DCLK1: variants seen among roughly 807,000 people sequenced by gnomAD.
The protein encoded by DCLK1 is doublecortin like kinase 1.
In DCLK1, 16 loss-of-function variants were observed where a neutral mutation model predicts 86.2. The observed-to-expected ratio is 0.19, with a 90% CI of 0.13 to 0.28. DCLK1 has a LOEUF of 0.28. Among genes scored for constraint, DCLK1 ranks in the 10% least tolerant of loss-of-function variants. The probability of loss-of-function intolerance (pLI) is 1.00; values close to 1 mark genes in which losing one functional copy is unlikely to be tolerated. For synonymous variants in DCLK1, 369 were observed against 370.5 expected (o/e 1.00, Z 0.05); for missense variants, 590 against 940.2 (o/e 0.63, Z 4.87).
intron 16 of DCLK1, chr13:35,787,916 C>T (rs530799497): frequency 1.1e-4 from 42 of 378,086 alleles, no homozygotes; most frequent in Non-Finnish European, 1.9e-4. Context: ...TAATTAGCAA[C>T]GTCAGGAAAA....
chr13:35,971,850 C>T (rs1294631907), intron 3 of DCLK1, among the ~76,000 whole-genome samples: 1 of 151,846 alleles, frequency 6.6e-6, no homozygotes. Context: ...GGGATGAAAT[C>T]CCATCCCTGG....
At chr13:36,056,167 G>A (rs377461282) in intron 3 of DCLK1, among the ~76,000 whole-genome samples, 29 of 125,412 alleles carry the variant, frequency 2.3e-4, no homozygotes, top group Non-Finnish European at 3.8e-4. Context: ...ACATGCACAC[G>A]TATGTTTATT....
At chr13:35,793,775 C>T (rs986157638) in intron 15 of DCLK1, among the ~76,000 whole-genome samples, 6 of 152,256 alleles carry the variant, frequency 3.9e-5, no homozygotes, top group South Asian at 4.2e-4. Flanking sequence ...ATTCCAACCA[C>T]GGCTCTAGGA....
chr13:35,954,500 T>C (rs983692079), intron 3 of DCLK1, among the ~76,000 whole-genome samples: 1 of 152,210 alleles, frequency 6.6e-6, no homozygotes, highest in African/African-American at 2.4e-5. Flanking sequence ...TGTAATTCCA[T>C]ATGTTTCTGG....
chr13:35,989,487 A>T (rs1880112676), intron 3 of DCLK1, among the ~76,000 whole-genome samples: 1 of 151,874 alleles, frequency 6.6e-6, no homozygotes, highest in African/African-American at 2.4e-5. Flanking sequence ...GGCCAGGCTG[A>T]TCTTGAACTC....
chr13:35,918,114 A>C (rs904213065), intron 4 of DCLK1, among the ~76,000 whole-genome samples: 32 of 152,240 alleles, frequency 2.1e-4, no homozygotes, highest in African/African-American at 7.5e-4. Flanking sequence ...GTGACAAGCA[A>C]AAAGAATGAA....
intron 3 of DCLK1, among the ~76,000 whole-genome samples, chr13:36,024,107 G>A (rs1041040026): frequency 6.6e-6 from 1 of 151,488 alleles, no homozygotes; most frequent in Non-Finnish European, 1.5e-5. Context: ...TGTTGGCAAG[G>A]CTGGTCTCAA....
intron 4 of DCLK1, among the ~76,000 whole-genome samples, chr13:35,917,920 C>T (rs1282138693): frequency 6.6e-6 from 1 of 152,120 alleles, no homozygotes; most frequent in Non-Finnish European, 1.5e-5. Context: ...TCCAGAGGTT[C>T]AGGCAGCCAC....
intron 3 of DCLK1, among the ~76,000 whole-genome samples, chr13:36,045,342 A>ATCTATATC (rs1566658675): frequency 1.4e-5 from 1 of 69,610 alleles, no homozygotes; most frequent in South Asian, 4.3e-4. Context: ...GTATATATAT[A>ATCTATATC]TATATATATA....
intron 8 of DCLK1, among the ~76,000 whole-genome samples, chr13:35,833,720 G>A (rs1418858006): frequency 6.6e-6 from 1 of 152,116 alleles, no homozygotes; most frequent in Non-Finnish European, 1.5e-5. Context: ...GAATGTACCC[G>A]CAAGCAATGT....
intron 4 of DCLK1, among the ~76,000 whole-genome samples, chr13:35,877,924 A>G (rs1223832747): frequency 1.3e-5 from 2 of 152,186 alleles, no homozygotes; most frequent in Non-Finnish European, 2.9e-5. Context: ...TGATTCTCCA[A>G]TTCTCCAATA....
Position 36,012,355 on chromosome 13 carries a change from A to G in DCLK1, c.724-64898T>C, listed in dbSNP as rs1197052903. ...CTTTACATTTTGGCATGATTTTGCC[A>G]CGGCTGTTACCGGTTGTTCCTTTCC... is the stretch of plus-strand genomic sequence containing the variant. On this transcript the variant is annotated intron_variant, in intron 3 of 16. Coordinates refer to ENST00000360631, the MANE Select transcript of DCLK1 (RefSeq NM_001330071.2). Among the ~76,000 whole-genome samples the G allele has an allele frequency of 2.0e-5, 3 of 151,906 alleles. No individual in the cohort carries two copies. The East Asian group carries it at 5.8e-4, about 29-fold the overall frequency.
At chr13:35,922,102 G>A (rs1225730417) in intron 4 of DCLK1, among the ~76,000 whole-genome samples, 1 of 152,100 alleles carries the variant, frequency 6.6e-6, no homozygotes, top group South Asian at 2.1e-4. Context: ...GGCGGTTTTT[G>A]TTTACTTTTT....
At position 35,822,791 on chromosome 13, in the gene DCLK1, C is replaced by T; in HGVS notation, c.1492G>A (p.Ala498Thr). The T allele has an allele frequency of 1.2e-6, 2 of 1,613,534 alleles. No homozygotes were observed. The highest frequency in any genetic ancestry group is 1.7e-5 in the Admixed American group (1 of 59,936). The change falls in exon 11 of 17, where the codon GCC (alanine) becomes ACC (threonine). Residue 498 changes from alanine (A) to threonine (T), a missense_variant. This residue lies in a region of DCLK1 where 108 missense variants were observed against 195.7 expected (regional missense o/e 0.55). Transcript: ENST00000360631. The part of the protein sequence containing the change: ...ASGMLYNLAS[A>T]IKYLHSLNIV... ...TTCAGGCTATGCAGGTATTTGATGG[C>T]GCTGGCTAGGTTGTACAGCATCCCA...
intron 16 of DCLK1, among the ~76,000 whole-genome samples, chr13:35,789,619 A>G (rs1396848260): frequency 1.3e-5 from 2 of 152,246 alleles, no homozygotes; most frequent in East Asian, 1.9e-4. Flanking sequence ...TTAGACTGAA[A>G]CGCTCTATTT....
At chr13:35,889,455 T>C (rs1431572150) in intron 4 of DCLK1, among the ~76,000 whole-genome samples, 1 of 152,164 alleles carries the variant, frequency 6.6e-6, no homozygotes, top group Non-Finnish European at 1.5e-5. Flanking sequence ...TTCTGTGTCT[T>C]TCCTGGACAA....
intron 3 of DCLK1, among the ~76,000 whole-genome samples, chr13:36,081,152 T>C (rs1056788664): frequency 3.3e-5 from 5 of 152,154 alleles, no homozygotes; most frequent in African/African-American, 1.2e-4. Flanking sequence ...AATTAAATGG[T>C]TAAAATGAAA....
At chr13:36,059,629 G>C (rs546221512) in intron 3 of DCLK1, among the ~76,000 whole-genome samples, 1 of 152,234 alleles carries the variant, frequency 6.6e-6, no homozygotes, top group Non-Finnish European at 1.5e-5. Flanking sequence ...ATAGAAAGTG[G>C]GTAGCCAGAA....
chr13:36,014,040 G>A (rs1226866458), intron 3 of DCLK1, among the ~76,000 whole-genome samples: 2 of 152,228 alleles, frequency 1.3e-5, no homozygotes, highest in African/African-American at 4.8e-5. Flanking sequence ...CTTCCCAGGT[G>A]AGGCAATGCC....
Sources: allele counts gnomAD v4.1 joint callset (sites outside exome capture counted in the v4.1 genomes callset), GRCh38; gene constraint gnomAD v4.1.1; regional missense constraint gnomAD v4.1.1; transcripts MANE v1.5; gene names NCBI Gene and HGNC (gene_info 2026-07-23, HGNC 2026-07-21).